PCDH9: variants seen among roughly 807,000 people sequenced by gnomAD.
PCDH9 encodes the protein protocadherin 9.
PCDH9 carries 24 observed loss-of-function variants against 70.6 expected under a neutral mutation model. The ratio of observed to expected loss-of-function variants is 0.34; its 90% confidence interval spans 0.25 to 0.48. The LOEUF is 0.48. Ranked by LOEUF, PCDH9 falls within the 20% of genes least tolerant of loss-of-function variation. The pLI is 0.99. For synonymous variants in PCDH9, 562 were observed against 558.5 expected, an observed-to-expected ratio of 1.01 and a Z score of -0.09; for missense variants, 1,281 against 1,503.6, an observed-to-expected ratio of 0.85 and a Z score of 2.45.
At chr13:66,842,163 T>C (rs2081127201) in intron 3 of PCDH9, among the ~76,000 whole-genome samples, 1 of 152,218 alleles carries the variant, frequency 6.6e-6, no homozygotes, top group Non-Finnish European at 1.5e-5. Context: ...TTTAAAATTA[T>C]GTTTTTCCTT....
chr13:66,423,048 G>T (rs1326017528), intron 4 of PCDH9, among the ~76,000 whole-genome samples: 3 of 151,932 alleles, frequency 2.0e-5, no homozygotes, highest in African/African-American at 7.2e-5. Flanking sequence ...AAATAAACTA[G>T]AAAATCTAGA....
chr13:67,016,031 G>A (rs1286968979), intron 2 of PCDH9, among the ~76,000 whole-genome samples: 1 of 152,044 alleles, frequency 6.6e-6, no homozygotes, highest in African/African-American at 2.4e-5. Flanking sequence ...AAATCATTCT[G>A]ATATATCACA....
chr13:66,710,688 GGGCTACTATCCA>G (rs2078780151), intron 3 of PCDH9, among the ~76,000 whole-genome samples: 1 of 152,096 alleles, frequency 6.6e-6, no homozygotes, highest in Non-Finnish European at 1.5e-5. Context: ...AGGTCTTACT[GGGCTACTATCCA>G]GGTGTTATTG....
chr13:66,708,081 G>T (rs1233681922), intron 3 of PCDH9, among the ~76,000 whole-genome samples: 1 of 150,920 alleles, frequency 6.6e-6, no homozygotes, highest in African/African-American at 2.4e-5. Flanking sequence ...ACGGAGTCTC[G>T]CTCTGTCGCC....
chr13:66,451,356 T>C (rs1454099574), intron 4 of PCDH9, among the ~76,000 whole-genome samples: 3 of 152,214 alleles, frequency 2.0e-5, no homozygotes, highest in Non-Finnish European at 4.4e-5. Flanking sequence ...TTACCTAATA[T>C]GATTATTGCA....
chr13:67,216,529 A>G (rs1423024578), intron 2 of PCDH9: 1 of 151,436 alleles, frequency 6.6e-6, no homozygotes, highest in Non-Finnish European at 1.5e-5. Flanking sequence ...CTTAACTTGG[A>G]AAAAGGCATC....
At chr13:67,160,324 T>A (rs1210293171) in intron 2 of PCDH9, among the ~76,000 whole-genome samples, 3 of 152,154 alleles carry the variant, frequency 2.0e-5, no homozygotes, top group Non-Finnish European at 4.4e-5. Context: ...GAAGGGCAGA[T>A]CACAAGGTCA....
At chr13:67,156,611 C>T (rs781430651) in intron 2 of PCDH9, among the ~76,000 whole-genome samples, 2 of 152,140 alleles carry the variant, frequency 1.3e-5, no homozygotes, top group African/African-American at 4.8e-5. Flanking sequence ...TAAAAGCTTG[C>T]ACTCATTCTC....
At chr13:66,408,727 G>A (rs985456565) in intron 4 of PCDH9, among the ~76,000 whole-genome samples, 2 of 149,820 alleles carry the variant, frequency 1.3e-5, no homozygotes, top group Non-Finnish European at 1.5e-5. Context: ...TTCTTCTTCT[G>A]CCTTTTTTTT....
chr13:66,799,569 A>AATTTCACT (rs1437500608), intron 3 of PCDH9, among the ~76,000 whole-genome samples: 1 of 152,198 alleles, frequency 6.6e-6, no homozygotes, highest in African/African-American at 2.4e-5. Context: ...GACCAGTATT[A>AATTTCACT]ATTTCACTCA....
At chr13:66,435,497 G>A (rs1957851597) in intron 4 of PCDH9, among the ~76,000 whole-genome samples, 1 of 152,110 alleles carries the variant, frequency 6.6e-6, no homozygotes, top group Admixed American at 6.5e-5. Flanking sequence ...AGCCAACTTG[G>A]AGTTTCAAAG....
At chr13:66,416,935 A>T (rs372818690) in intron 4 of PCDH9, among the ~76,000 whole-genome samples, 10 of 152,304 alleles carry the variant, frequency 6.6e-5, no homozygotes, top group African/African-American at 2.4e-4. Flanking sequence ...AAGGAATAAA[A>T]ATGTTATCAA....
intron 2 of PCDH9, chr13:67,202,905 G>T (rs1464425042): frequency 6.6e-6 from 1 of 152,000 alleles, no homozygotes; most frequent in East Asian, 1.9e-4. Flanking sequence ...ATATTTCCAA[G>T]GTAATAAAGA....
intron 2 of PCDH9, among the ~76,000 whole-genome samples, chr13:67,054,207 G>T (rs966098161): frequency 6.6e-6 from 1 of 152,080 alleles, no homozygotes. Flanking sequence ...TTCACACTGA[G>T]GACACTAACT....
At chr13:67,135,033 TAAGA>T (rs2087201338) in intron 2 of PCDH9, among the ~76,000 whole-genome samples, 1 of 152,118 alleles carries the variant, frequency 6.6e-6, no homozygotes, top group African/African-American at 2.4e-5. Context: ...TATTTCTGTA[TAAGA>T]AAGATTAACA....
At chr13:66,399,645 T>A (rs1957155480) in intron 4 of PCDH9, among the ~76,000 whole-genome samples, 1 of 151,390 alleles carries the variant, frequency 6.6e-6, no homozygotes, top group South Asian at 2.1e-4. Flanking sequence ...TTTCAAACAG[T>A]CAAAACAGAA....
intron 2 of PCDH9, among the ~76,000 whole-genome samples, chr13:66,971,953 GATA>G (rs1452371794): frequency 1.3e-5 from 2 of 151,732 alleles, no homozygotes; most frequent in Non-Finnish European, 2.9e-5. Flanking sequence ...TAATATATTA[GATA>G]ATATATGATC....
chr13:67,120,746 A>G (rs925232307), intron 2 of PCDH9, among the ~76,000 whole-genome samples: 11 of 152,126 alleles, frequency 7.2e-5, no homozygotes, highest in African/African-American at 2.4e-4. Flanking sequence ...TCCTCTTTAA[A>G]TACTTGCTGA....
At chr13:66,491,385 T>TTTTGTGTGTGTGTGTG (rs1555299288) in intron 4 of PCDH9, among the ~76,000 whole-genome samples, 1 of 136,030 alleles carries the variant, frequency 7.4e-6, no homozygotes, top group Non-Finnish European at 1.6e-5. Flanking sequence ...GCAGGAGATA[T>TTTTGTGTGTGTGTGTG]TGTGTGTGTG....
Sources: allele counts gnomAD v4.1 joint callset (sites outside exome capture counted in the v4.1 genomes callset), GRCh38; gene constraint gnomAD v4.1.1; transcripts MANE v1.5; gene names NCBI Gene and HGNC (gene_info 2026-07-23, HGNC 2026-07-21).